Variants in MCC observed in about 807,000 individuals in gnomAD.
The protein encoded by MCC is colorectal mutant cancer protein.
Under a neutral mutation model 116.2 loss-of-function variants are expected in MCC, and 90 were observed. The ratio of observed to expected loss-of-function variants is 0.77; its 90% CI spans 0.65 to 0.92. MCC has a LOEUF of 0.92. Among genes scored for constraint, MCC ranks in the 40% least tolerant of loss-of-function variants. MCC has a pLI of 0.00. For synonymous variants in MCC, 578 were observed against 510.5 expected, an observed-to-expected ratio of 1.13 and a Z score of -1.78; for missense variants, 1,516 against 1,312.2, an observed-to-expected ratio of 1.16 and a Z score of -2.40.
At chr5:113,047,835 G>GA (rs5870525) in intron 16 of MCC, among the ~76,000 whole-genome samples, 61,471 of 140,948 alleles carry the variant, frequency 0.44, 12,931 homozygotes, top group Non-Finnish European at 0.48. Context: ...TTGGATTCCA[G>GA]AAAAAAAAAA....
intron 2 of MCC, among the ~76,000 whole-genome samples, chr5:113,369,243 A>G (rs1195123905): frequency 6.6e-6 from 1 of 151,744 alleles, no homozygotes; most frequent in Non-Finnish European, 1.5e-5. Context: ...TCCCAACTCC[A>G]TAATCCTGCC....
intron 3 of MCC, among the ~76,000 whole-genome samples, chr5:113,280,345 T>C (rs970855159): frequency 6.6e-6 from 1 of 152,168 alleles, no homozygotes; most frequent in African/African-American, 2.4e-5. Flanking sequence ...TATCTCCTAG[T>C]ATTATTTTAC....
At chr5:113,336,768 G>T (rs1561529127) in intron 3 of MCC, among the ~76,000 whole-genome samples, 1 of 152,238 alleles carries the variant, frequency 6.6e-6, no homozygotes, top group Non-Finnish European at 1.5e-5. Context: ...CATGGCTGCT[G>T]TAAGTATCTG....
intron 3 of MCC, among the ~76,000 whole-genome samples, chr5:113,159,216 A>T (rs987843153): frequency 1.3e-5 from 2 of 152,114 alleles, no homozygotes; most frequent in African/African-American, 4.8e-5. Flanking sequence ...TTAAACTTGT[A>T]ACATGCTTGC....
intron 2 of MCC, among the ~76,000 whole-genome samples, chr5:113,358,577 T>C (rs1328186999): frequency 1.3e-5 from 2 of 152,220 alleles, no homozygotes; most frequent in Non-Finnish European, 2.9e-5. Context: ...CTTTCAGTTA[T>C]GTGGGTTCTT....
intron 3 of MCC, among the ~76,000 whole-genome samples, chr5:113,316,541 G>C (rs999829242): frequency 1.1e-4 from 16 of 152,166 alleles, no homozygotes; most frequent in African/African-American, 3.9e-4. Flanking sequence ...TAAGTTCCAA[G>C]AGTGAGAGAA....
rs369504481 is a variant in MCC at position 113,174,458 on chromosome 5, C to G, written c.628-23036G>C. Among the ~76,000 whole-genome samples, 46 of 151,996 alleles carry G rather than the reference C, an allele frequency of 3.0e-4. 1 individual carries two copies. The highest frequency in any genetic ancestry group is 1.0e-3 in the African/African-American group (43 of 41,472). ...GATATTTATTATAGCAGTATAATAACAAAAACTAAACGAACACATTAATGC... is the reference window on the plus strand; with the variant it reads ...GATATTTATTATAGCAGTATAATAAGAAAAACTAAACGAACACATTAATGC... On this transcript the variant is annotated intron_variant, in intron 3 of 18. Transcript: ENST00000408903.
chr5:113,413,921 T>G (rs1770066455), intron 1 of MCC, among the ~76,000 whole-genome samples: 1 of 152,224 alleles, frequency 6.6e-6, no homozygotes. Flanking sequence ...TGCTATAAAT[T>G]TCCCTCTACA....
Position 113,165,907 on chromosome 5 carries a change from T to C in MCC, c.628-14485A>G, listed in dbSNP as rs572859178. Among the ~76,000 whole-genome samples the C allele has an allele frequency of 9.2e-5, 14 of 152,150 alleles. 1 individual carries two copies. The highest frequency in any genetic ancestry group is 3.4e-4 in the African/African-American group (14 of 41,512). ...ATATATTTTTGGGAATGACACGGCT[T>C]TCTGCCCCCAAAACATACATTCATT... On this transcript the variant is annotated intron_variant, in intron 3 of 18. Coordinates refer to ENST00000408903, the MANE Select transcript of MCC (RefSeq NM_001085377.2).
At chr5:113,242,827 G>A (rs1764428293) in intron 3 of MCC, among the ~76,000 whole-genome samples, 1 of 152,092 alleles carries the variant, frequency 6.6e-6, no homozygotes, top group Non-Finnish European at 1.5e-5. Flanking sequence ...GTGTACTGTG[G>A]AAATCGAGAA....
chr5:113,029,068 G>C lies in MCC; in HGVS notation c.2757-12C>G. The C allele has an allele frequency of 4.4e-6, 7 of 1,604,052 alleles. No individual in the cohort carries two copies. In the South Asian group the frequency reaches 5.5e-5, roughly 13 times the overall value. ...TCAACTTCTTTTCTCTATATTAAAG[G>C]AGACAAAATATGCCAGGAGTAGTTT... On this transcript the variant is annotated splice_polypyrimidine_tract_variant and intron_variant, in intron 17 of 18. Transcript: ENST00000408903.
Position 113,406,918 on chromosome 5 carries a change from C to T in MCC, c.171-21706G>A, listed in dbSNP as rs770321864. 7.2e-5 allele frequency among the ~76,000 whole-genome samples: 11 copies of T among 152,136 alleles called. 1 individual carries two copies. Among genetic ancestry groups the T allele is most frequent in the Non-Finnish European group, 1.5e-4 (10 of 68,024 alleles). On this transcript the variant is annotated intron_variant, in intron 1 of 18. Transcript: ENST00000408903. ...GGCCTGCCTTAAAGGTTCTACACCC[C>T]TTGAGCCTGGCCCATCTGGCTCAAT...
rs984345179 is a variant in MCC, at chr5:113,065,742, G to A, written c.2030-1575C>T. Among the ~76,000 whole-genome samples the A allele has an allele frequency of 4.6e-5, 7 of 152,354 alleles. No individual in the cohort carries two copies. The East Asian group carries it at 1.3e-3, about 29-fold the overall frequency. On this transcript the variant is annotated intron_variant, in intron 13 of 18. Coordinates refer to ENST00000408903, the MANE Select transcript of MCC (RefSeq NM_001085377.2). ...ACCCACAATCATAGATACTGTGGGTGCATGTCACAAATGAGTTCCTGCTTT... is the reference window on the plus strand; with the variant it reads ...ACCCACAATCATAGATACTGTGGGTACATGTCACAAATGAGTTCCTGCTTT...
At chr5:113,075,417 T>C (rs1462421984) in intron 11 of MCC, among the ~76,000 whole-genome samples, 1 of 151,948 alleles carries the variant, frequency 6.6e-6, no homozygotes, top group Non-Finnish European at 1.5e-5. Flanking sequence ...GGCTGAGGAG[T>C]GTGGGTGCAT....
At chr5:113,032,248 T>G (rs950968522) in intron 17 of MCC, among the ~76,000 whole-genome samples, 49 of 152,048 alleles carry the variant, frequency 3.2e-4, no homozygotes, top group African/African-American at 1.2e-3. Context: ...CTGTCTCTAC[T>G]AAATACAAAA....
chr5:113,297,398 C>T (rs1407428750), intron 3 of MCC, among the ~76,000 whole-genome samples: 1 of 151,754 alleles, frequency 6.6e-6, no homozygotes, highest in Non-Finnish European at 1.5e-5. Context: ...TACCCTGTCT[C>T]TAATAAAAAT....
At chr5:113,342,929 T>C (rs1768050055) in intron 2 of MCC, among the ~76,000 whole-genome samples, 1 of 152,194 alleles carries the variant, frequency 6.6e-6, no homozygotes, top group South Asian at 2.1e-4. Flanking sequence ...GATATAGCAG[T>C]AAGCATGAGA....
At chr5:113,084,052 G>A (rs772825975) in intron 10 of MCC, 49 bp downstream of exon 10, 9 of 1,416,362 alleles carry the variant, frequency 6.4e-6, no homozygotes, top group Non-Finnish European at 9.0e-6. Context: ...TCCATTGTCT[G>A]TGTAGCTCTG....
intron 2 of MCC, among the ~76,000 whole-genome samples, chr5:113,345,222 G>C (rs903838092): frequency 1.3e-5 from 2 of 152,172 alleles, no homozygotes; most frequent in African/African-American, 4.8e-5. Context: ...CTTGTGGTTT[G>C]AGGGCCAGCA....
Sources: gnomAD v4.1 joint callset for allele counts (sites outside exome capture counted in the v4.1 genomes callset) on GRCh38, gnomAD v4.1.1 for gene constraint, MANE v1.5 for transcripts, NCBI Gene and HGNC (gene_info 2026-07-23, HGNC 2026-07-21) for gene names.